The following PDXDC1 variants were observed in gnomAD, a reference collection of about 807,000 sequenced individuals.
The protein encoded by PDXDC1 is pyridoxal dependent decarboxylase domain containing 1.
In PDXDC1, 42 loss-of-function variants were observed where a neutral mutation model predicts 100.1. That is an observed-to-expected ratio of 0.42 (90% CI 0.33 to 0.54). The LOEUF is 0.54. Among genes scored for constraint, PDXDC1 ranks in the 20% least tolerant of loss-of-function variants. The probability of loss-of-function intolerance (pLI) is 0.10; values close to 1 mark genes in which losing one functional copy is unlikely to be tolerated. For synonymous variants in PDXDC1, 260 were observed against 371.7 expected, an observed-to-expected ratio of 0.70 and a Z score of 3.46; for missense variants, 636 against 979.2, an observed-to-expected ratio of 0.65 and a Z score of 4.68.
rs997652698 is a variant in PDXDC1, at chr16:15,068,367, T to TA, written c.1399+38319dup. The stretch of plus-strand genomic sequence containing the variant: ...TTAAAAGCACAAATTATCACACATT[T>TA]AAAAAAAACTTTAAAAAATTATTTG... On this transcript the variant is annotated intron_variant, in intron 16 of 16. Coordinates refer to the PDXDC1 transcript ENST00000535621. 75 of 1,449,734 alleles carry TA rather than the reference T, an allele frequency of 5.2e-5. No individual in the cohort carries two copies. The African/African-American group carries it at 7.8e-4, about 15-fold the overall frequency. The allele number at this position is 1,449,734 out of a possible 1,614,324, so 89.8% of individuals were successfully genotyped here. A position where few individuals can be genotyped will look rare whatever the true frequency, so the allele number is the denominator to read the frequency against.
At chr16:14,983,436 C>T (rs1350619601) in intron 1 of PDXDC1, among the ~76,000 whole-genome samples, 19 of 152,194 alleles carry the variant, frequency 1.2e-4, no homozygotes, top group Non-Finnish European at 2.1e-4. Flanking sequence ...AGCCGGGTGT[C>T]GTGGCATGTG....
intron 11 of PDXDC1, among the ~76,000 whole-genome samples, chr16:15,018,320 G>T (rs532925477): frequency 6.6e-6 from 1 of 152,348 alleles, no homozygotes; most frequent in Admixed American, 6.5e-5. Context: ...AATGTGGGAG[G>T]GCTGATTGAG....
chr16:14,988,949 G>A (rs1243729859), intron 1 of PDXDC1: 5 of 1,613,764 alleles, frequency 3.1e-6, no homozygotes, highest in Non-Finnish European at 4.2e-6. Context: ...CGTGCATGGT[G>A]GCGTGCCCGC....
At chr16:14,986,646 A>G (rs1969440553) in intron 1 of PDXDC1, among the ~76,000 whole-genome samples, 1 of 152,306 alleles carries the variant, frequency 6.6e-6, no homozygotes. Flanking sequence ...ATGAATTTGT[A>G]GAGAGGTAAA....
chr16:15,136,630 C>T (rs1233362708), intron 16 of PDXDC1: 9 of 1,152,516 alleles, frequency 7.8e-6, no homozygotes, highest in Non-Finnish European at 1.0e-5. Flanking sequence ...CAGGGCGGCC[C>T]CGGCCCAGGC....
At chr16:15,135,184 G>A (rs961038682) in intron 16 of PDXDC1, 48 of 825,808 alleles carry the variant, frequency 5.8e-5, no homozygotes, top group Non-Finnish European at 9.0e-5. Context: ...AGGGAAGAGC[G>A]CGCGGCCTCC....
In PDXDC1 at chr16:15,018,906, T is replaced by A. The variant is rs1206558616; in HGVS notation, c.1030T>A (p.Ser344Thr). ...DKLRALPLWL[S>T]LQYLGLDGFV... ...ACTCCGTGCCCTGCCTCTGTGGTTA[T>A]CTTTACAATACTTGGGACTTGATGG... Residue 344 changes from serine to threonine, a missense_variant, in exon 12 of 23, where the codon TCT becomes ACT. By Grantham distance (58) the Ser-to-Thr change is moderately conservative. Around this residue, in one of 4 missense-constraint regions of PDXDC1, gnomAD observed 125 missense variants for 479.9 expected, o/e 0.26. Coordinates refer to ENST00000396410, the MANE Select transcript of PDXDC1 (RefSeq NM_015027.4). 6.2e-7 allele frequency: 1 copy of A among 1,613,352 alleles called. No individual in the cohort carries two copies. Among genetic ancestry groups the A allele is most frequent in the African/African-American group, 1.3e-5 (1 of 74,910 alleles).
At chr16:15,032,416 C>T (rs972632039) in intron 17 of PDXDC1, 1 of 168,646 alleles carries the variant, frequency 5.9e-6, no homozygotes, top group African/African-American at 2.4e-5. Flanking sequence ...CTTTGGGAGG[C>T]CAACAGGAGC....
At position 15,034,442 on chromosome 16, in the gene PDXDC1, G is replaced by A; in HGVS notation, c.1906-15G>A. ...GTGAGGCCAGGTGGCCCTGAACTCT[G>A]GTCCTGTCTTGCAGGGGGTGTTGCG... On this transcript the variant is annotated splice_polypyrimidine_tract_variant and intron_variant, in intron 20 of 22. Coordinates refer to ENST00000396410, the MANE Select transcript of PDXDC1 (RefSeq NM_015027.4). The A allele has an allele frequency of 6.2e-7, 1 of 1,613,898 alleles. No homozygotes were observed. Among genetic ancestry groups the A allele is most frequent in the African/African-American group, 1.3e-5 (1 of 75,068 alleles).
At chr16:15,039,589 C>T (rs1023287123), downstream of PDXDC1, among the ~76,000 whole-genome samples, 9 of 152,152 alleles carry the variant, frequency 5.9e-5, no homozygotes, top group Non-Finnish European at 8.8e-5. Context: ...TTCAGTGACC[C>T]GGTCCAAAAG....
intron 16 of PDXDC1, among the ~76,000 whole-genome samples, chr16:15,102,423 T>C (rs1361646947): frequency 6.6e-6 from 1 of 151,656 alleles, no homozygotes. Context: ...TAAGGGTCAA[T>C]GGGCAGACAT....
At chr16:15,061,849 A>C (rs1458540120) in intron 16 of PDXDC1, 2 of 1,613,998 alleles carry the variant, frequency 1.2e-6, no homozygotes, top group Non-Finnish European at 1.7e-6. Context: ...CAATCACGGT[A>C]TCATTCTGGG....
chr16:15,080,164 A>C, intron 16 of PDXDC1: 1 of 1,501,420 alleles, frequency 6.7e-7, no homozygotes, highest in Admixed American at 2.7e-5. Flanking sequence ...TGTAAGCAAA[A>C]CATCAATTAC....
At chr16:15,009,147 T>C (rs902864767) in intron 7 of PDXDC1, among the ~76,000 whole-genome samples, 1 of 152,288 alleles carries the variant, frequency 6.6e-6, no homozygotes, top group African/African-American at 2.4e-5. Flanking sequence ...CTACTTTTAA[T>C]GAGTTAGCAC....
At chr16:14,995,299 ATTT>A (rs1383113720) in intron 1 of PDXDC1, among the ~76,000 whole-genome samples, 1 of 152,268 alleles carries the variant, frequency 6.6e-6, no homozygotes, top group South Asian at 2.1e-4. Flanking sequence ...AGCTCTTATT[ATTT>A]TGAGATATGG....
chr16:15,070,288 C>T, intron 16 of PDXDC1: 3 of 1,608,040 alleles, frequency 1.9e-6, no homozygotes, highest in Non-Finnish European at 2.5e-6. Context: ...CAACTTTACA[C>T]ATCATAAAAA....
chr16:15,000,826 G>T (rs1238596221), intron 3 of PDXDC1, among the ~76,000 whole-genome samples: 1 of 151,170 alleles, frequency 6.6e-6, no homozygotes, highest in East Asian at 1.9e-4. Context: ...AGGAAAATTA[G>T]ATATACCAGT....
chr16:15,136,917 G>A (rs2048363741), intron 16 of PDXDC1: 2 of 1,597,682 alleles, frequency 1.3e-6, no homozygotes, highest in Non-Finnish European at 8.5e-7. Context: ...GCAGCCTCCA[G>A]GCCTGAACCA....
At chr16:15,145,819 C>T in the PDXDC1 span, among the ~76,000 whole-genome samples, 1 of 152,242 alleles carries the variant, frequency 6.6e-6, no homozygotes, top group African/African-American at 2.4e-5. Flanking sequence ...AGCTGGAGCG[C>T]AGGCAGCAGA....
Sources: gnomAD v4.1 joint callset for allele counts (sites outside exome capture counted in the v4.1 genomes callset) on GRCh38, gnomAD v4.1.1 for gene constraint, gnomAD v4.1.1 regional missense constraint, MANE v1.5 for transcripts, NCBI Gene and HGNC (gene_info 2026-07-23, HGNC 2026-07-21) for gene names.